NECAB1: variants seen among roughly 807,000 people sequenced by gnomAD.
NECAB1 encodes N-terminal EF-hand calcium binding protein 1.
Under a neutral mutation model 57.5 loss-of-function variants are expected in NECAB1, and 29 were observed. That is an observed-to-expected ratio of 0.50 (90% CI 0.38 to 0.69). The LOEUF (loss-of-function observed/expected upper bound fraction) is 0.69, where lower values mean the gene tolerates loss of function less well. Ranked by LOEUF, NECAB1 falls within the 30% of genes least tolerant of loss-of-function variation. The pLI, the probability that NECAB1 is intolerant of heterozygous loss-of-function variation, is 0.00. For missense variants in NECAB1, 372 were observed against 413.8 expected, an observed-to-expected ratio of 0.90 and a Z score of 0.88; for synonymous variants, 142 against 147.7, an observed-to-expected ratio of 0.96 and a Z score of 0.28.
chr8:90,892,902 C>A (rs1365730740), intron 5 of NECAB1, among the ~76,000 whole-genome samples: 2 of 152,176 alleles, frequency 1.3e-5, no homozygotes, highest in East Asian at 3.8e-4. Flanking sequence ...CAGGCCCACC[C>A]AAATCTGAGC....
At chr8:90,822,926 G>C (rs1812167537) in intron 2 of NECAB1, among the ~76,000 whole-genome samples, 1 of 151,034 alleles carries the variant, frequency 6.6e-6, no homozygotes, top group South Asian at 2.1e-4. Context: ...ACCTCAGTCT[G>C]ATTTGTGTCC....
At chr8:90,949,272 C>A (rs955790360) in intron 10 of NECAB1, among the ~76,000 whole-genome samples, 2 of 151,430 alleles carry the variant, frequency 1.3e-5, no homozygotes, top group Non-Finnish European at 2.9e-5. Flanking sequence ...TAGGTATTGG[C>A]AAACTAGGAG....
intron 10 of NECAB1, among the ~76,000 whole-genome samples, chr8:90,942,005 GCATAAA>G (rs1810681775): frequency 6.6e-6 from 1 of 152,160 alleles, no homozygotes; most frequent in African/African-American, 2.4e-5. Flanking sequence ...GTACATGTGT[GCATAAA>G]CAGATACTTC....
At chr8:90,852,441 A>G (rs1812701722) in intron 3 of NECAB1, among the ~76,000 whole-genome samples, 1 of 152,202 alleles carries the variant, frequency 6.6e-6, no homozygotes, top group African/African-American at 2.4e-5. Context: ...CAGGAGGCAG[A>G]GTAATTCTAG....
chr8:90,934,235 T>G, intron 8 of NECAB1, 69 bp from the exon 9 acceptor site: 2 of 1,088,516 alleles, frequency 1.8e-6, no homozygotes, highest in Non-Finnish European at 2.6e-6. Context: ...AACTATGATT[T>G]GAATATATGG....
At chr8:90,809,517 A>G (rs1359834118) in intron 2 of NECAB1, among the ~76,000 whole-genome samples, 4 of 152,238 alleles carry the variant, frequency 2.6e-5, no homozygotes, top group Non-Finnish European at 5.9e-5. Flanking sequence ...TTTTGGATAT[A>G]TAATTAGCAG....
intron 3 of NECAB1, among the ~76,000 whole-genome samples, chr8:90,833,391 A>C (rs1236727736): frequency 3.5e-5 from 2 of 57,310 alleles, no homozygotes; most frequent in Non-Finnish European, 6.1e-5. Context: ...TATTCCTCCC[A>C]AAAAAAAGCT....
At chr8:90,829,418 G>C (rs1740095711) in intron 3 of NECAB1, among the ~76,000 whole-genome samples, 2 of 152,160 alleles carry the variant, frequency 1.3e-5, no homozygotes, top group East Asian at 1.9e-4. Context: ...AATTATAGTA[G>C]AGAAAGGGGA....
rs573194029 is a variant in NECAB1 at position 90,919,903 on chromosome 8, A to G, written c.494+2275A>G. Among the ~76,000 whole-genome samples, 5 of 152,228 alleles carry G rather than the reference A, an allele frequency of 3.3e-5. No individual in the cohort carries two copies. In the South Asian group the frequency reaches 1.0e-3, roughly 32 times the overall value. Reference sequence around the variant, plus strand: ...TGTTTTTTTCTACAGTCATCCCCTGAAAACCTGTGCTCTGCATTTACCACC... The same window carrying G: ...TGTTTTTTTCTACAGTCATCCCCTGGAAACCTGTGCTCTGCATTTACCACC... On this transcript the variant is annotated intron_variant, in intron 6 of 12. Transcript: ENST00000417640.
intron 3 of NECAB1, among the ~76,000 whole-genome samples, chr8:90,871,371 T>G (rs976193678): frequency 5.3e-5 from 8 of 152,190 alleles, no homozygotes; most frequent in African/African-American, 1.7e-4. Context: ...ATTTATTACC[T>G]GATATTGAAC....
chr8:90,793,926 C>T (rs573960618), intron 1 of NECAB1, among the ~76,000 whole-genome samples: 15 of 152,298 alleles, frequency 9.8e-5, no homozygotes, highest in Non-Finnish European at 1.6e-4. Context: ...ATTATGTATG[C>T]ATGATTGTTT....
intron 2 of NECAB1, among the ~76,000 whole-genome samples, chr8:90,816,967 C>T (rs184627028): frequency 1.6e-3 from 241 of 151,754 alleles, no homozygotes; most frequent in Non-Finnish European, 2.6e-3. Flanking sequence ...TATTTACTTA[C>T]TTAGATCCTA....
chr8:90,854,639 C>A (rs1217707479), intron 3 of NECAB1, among the ~76,000 whole-genome samples: 1 of 152,086 alleles, frequency 6.6e-6, no homozygotes, highest in Non-Finnish European at 1.5e-5. Flanking sequence ...TTACATATAC[C>A]CCTGCCTTGT....
rs1380634424 is a variant in NECAB1, at chr8:90,959,014, A to C, written c.*3502A>C. ...TCATCTGTTCTTAAAATGCTACTTA[A>C]AACTTTGGTTGTTTTCCTGTAATAT... is the stretch of plus-strand genomic sequence containing the variant. On this transcript the variant is annotated 3_prime_UTR_variant, in exon 13 of 13. Transcript: ENST00000417640. 1 of 1,409,782 alleles carries C rather than the reference A, an allele frequency of 7.1e-7. No individual in the cohort carries two copies. The highest frequency in any genetic ancestry group is 1.5e-5 in the African/African-American group (1 of 68,290). The allele number at this position is 1,409,782 out of a possible 1,614,324, so 87.3% of individuals were successfully genotyped here. A position where few individuals can be genotyped will look rare whatever the true frequency, so the allele number is the denominator to read the frequency against.
intron 9 of NECAB1, among the ~76,000 whole-genome samples, chr8:90,939,456 G>A (rs1437596463): frequency 1.3e-5 from 2 of 152,238 alleles, no homozygotes; most frequent in Non-Finnish European, 2.9e-5. Flanking sequence ...ATGAGTTCAG[G>A]AGGGTAGTGA....
Position 90,878,146 on chromosome 8 carries a change from C to T in NECAB1, c.260-2887C>T, listed in dbSNP as rs561022252. 2.6e-5 allele frequency among the ~76,000 whole-genome samples: 4 copies of T among 152,156 alleles called. No homozygotes were observed. In the East Asian group the frequency reaches 7.7e-4, roughly 29 times the overall value. Reference sequence around the variant, plus strand: ...TGGTATCCCTGGTTCAAGCAATTCTCCTGCCTTATCCTCTATTTGGATTGC... The same window carrying T: ...TGGTATCCCTGGTTCAAGCAATTCTTCTGCCTTATCCTCTATTTGGATTGC... On this transcript the variant is annotated intron_variant, in intron 4 of 12. Coordinates refer to ENST00000417640, the MANE Select transcript of NECAB1 (RefSeq NM_022351.5).
chr8:90,906,883 A>ATATGTGTATATATATATATATATGTATG (rs1554574057), intron 5 of NECAB1, among the ~76,000 whole-genome samples: 1 of 80,758 alleles, frequency 1.2e-5, no homozygotes, highest in African/African-American at 4.8e-5. Context: ...ACACATATAT[A>ATATGTGTATATATATATATATATGTATG]TATATATATA....
At chr8:90,849,063 T>C (rs1276798242) in intron 3 of NECAB1, among the ~76,000 whole-genome samples, 1 of 152,116 alleles carries the variant, frequency 6.6e-6, no homozygotes, top group Non-Finnish European at 1.5e-5. Flanking sequence ...GTCCCTCCCA[T>C]GACATATGGG....
chr8:90,920,329 G>A lies in NECAB1; in HGVS notation c.494+2701G>A, dbSNP rs1754069600. Among the ~76,000 whole-genome samples, 3 of 152,234 alleles carry A rather than the reference G, an allele frequency of 2.0e-5. No individual in the cohort carries two copies. The South Asian group carries it at 6.2e-4, about 32-fold the overall frequency. On this transcript the variant is annotated intron_variant, in intron 6 of 12. Coordinates refer to ENST00000417640, the MANE Select transcript of NECAB1 (RefSeq NM_022351.5). The stretch of plus-strand genomic sequence containing the variant: ...TATGCCCGTAATATCTGATGAACCA[G>A]ACTGAAGCACGTGAATTATGCCCAA...
Sources: allele counts gnomAD v4.1 joint callset (sites outside exome capture counted in the v4.1 genomes callset), GRCh38; gene constraint gnomAD v4.1.1; transcripts MANE v1.5; gene names NCBI Gene and HGNC (gene_info 2026-07-23, HGNC 2026-07-21).